WIPF3: variants seen among roughly 807,000 people sequenced by gnomAD.
The protein encoded by WIPF3 is WAS/WASL interacting protein family member 3, also known as WAS/WASL-interacting protein family member 3.
Under a neutral mutation model 38.9 loss-of-function variants are expected in WIPF3, and 33 were observed. The observed-to-expected ratio is 0.85, with a 90% confidence interval of 0.64 to 1.14. The LOEUF (loss-of-function observed/expected upper bound fraction) is 1.14, where lower values mean the gene tolerates loss of function less well. Ranked by LOEUF, WIPF3 falls within the 50% of genes most tolerant of loss-of-function variation. WIPF3 has a pLI of 0.00. For synonymous variants in WIPF3, 324 were observed against 269.3 expected (o/e 1.20, Z -1.99); for missense variants, 711 against 652.5 (o/e 1.09, Z -0.98).
intron 4 of WIPF3, among the ~76,000 whole-genome samples, chr7:29,880,466 G>T (rs1254021862): frequency 6.6e-6 from 1 of 152,130 alleles, no homozygotes; most frequent in Non-Finnish European, 1.5e-5. Flanking sequence ...TAGAGTACAA[G>T]GTCTTCCTCA....
At position 29,874,515 on chromosome 7, in the gene WIPF3, A is replaced by G. The variant is rs143999990; in HGVS notation, c.91-1315A>G. ...GATTTGGGGTCAGAAAAGGCCTCTG[A>G]AGTGGTGATATTTAAGCTGAAACCC... On this transcript the variant is annotated intron_variant, in intron 2 of 8. Coordinates refer to ENST00000242140, the MANE Select transcript of WIPF3 (RefSeq NM_001080529.3). Among the ~76,000 whole-genome samples the G allele has an allele frequency of 3.6e-3, 543 of 152,268 alleles. 2 individuals are homozygous for G. The highest frequency in any genetic ancestry group is 0.012 in the African/African-American group (501 of 41,544).
intron 1 of WIPF3, among the ~76,000 whole-genome samples, chr7:29,829,607 T>C (rs1330666390): frequency 1.3e-5 from 2 of 152,220 alleles, no homozygotes; most frequent in Non-Finnish European, 2.9e-5. Flanking sequence ...TGTCTTCATA[T>C]ACAGTGTTTG....
intron 7 of WIPF3, among the ~76,000 whole-genome samples, chr7:29,897,812 G>A (rs1786184368): frequency 6.6e-6 from 1 of 152,156 alleles, no homozygotes; most frequent in Non-Finnish European, 1.5e-5. Context: ...GCTTTCCTTG[G>A]TGAAGCCTGG....
At chr7:29,861,175 G>C (rs528215991) in intron 2 of WIPF3, among the ~76,000 whole-genome samples, 62 of 152,290 alleles carry the variant, frequency 4.1e-4, no homozygotes, top group African/African-American at 1.5e-3. Context: ...ATATATGGAA[G>C]TGTCTGGATT....
intron 7 of WIPF3, among the ~76,000 whole-genome samples, chr7:29,899,678 C>T (rs12537973): frequency 0.47 from 71,217 of 152,036 alleles, 18,475 homozygotes; most frequent in East Asian, 0.78. Context: ...CACAATGGAA[C>T]GCTATGTAAC....
At chr7:29,807,835 TAGA>T (rs536851486) in intron 1 of WIPF3, among the ~76,000 whole-genome samples, 19 of 152,342 alleles carry the variant, frequency 1.2e-4, no homozygotes, top group African/African-American at 4.1e-4. Context: ...CAGTGTGATT[TAGA>T]AGGTTTGTGC....
At chr7:29,890,325 A>G (rs1257251565) in intron 7 of WIPF3, among the ~76,000 whole-genome samples, 1 of 149,024 alleles carries the variant, frequency 6.7e-6, no homozygotes, top group Non-Finnish European at 1.5e-5. Context: ...TCACTCCAGC[A>G]TTGATGACAG....
chr7:29,854,472 G>A (rs1785155128), intron 2 of WIPF3, among the ~76,000 whole-genome samples: 1 of 152,158 alleles, frequency 6.6e-6, no homozygotes, highest in African/African-American at 2.4e-5. Flanking sequence ...TATGCCAACA[G>A]GTGGACTACA....
chr7:29,840,626 C>T (rs560837388), intron 2 of WIPF3, among the ~76,000 whole-genome samples: 1 of 152,198 alleles, frequency 6.6e-6, no homozygotes, highest in Admixed American at 6.5e-5. Flanking sequence ...GTTCAGGACT[C>T]TAAACATCTA....
At chr7:29,825,052 G>A (rs1026910428) in intron 1 of WIPF3, among the ~76,000 whole-genome samples, 1 of 152,150 alleles carries the variant, frequency 6.6e-6, no homozygotes, top group Admixed American at 6.6e-5. Flanking sequence ...TTTGGAGTAC[G>A]TACAACGTGA....
intron 7 of WIPF3, among the ~76,000 whole-genome samples, chr7:29,897,885 CT>C (rs1328542033): frequency 6.6e-6 from 1 of 152,248 alleles, no homozygotes; most frequent in Non-Finnish European, 1.5e-5. Flanking sequence ...TTTACCACAG[CT>C]TCTGTCCTTC....
chr7:29,909,731 C>CA (rs35820609), intron 8 of WIPF3, among the ~76,000 whole-genome samples: 1 of 151,798 alleles, frequency 6.6e-6, no homozygotes, highest in African/African-American at 2.4e-5. Flanking sequence ...CCTGTCTCTA[C>CA]AAAAAAATTT....
intron 2 of WIPF3, among the ~76,000 whole-genome samples, chr7:29,854,463 A>C (rs568340523): frequency 3.9e-5 from 6 of 152,342 alleles, no homozygotes; most frequent in African/African-American, 1.4e-4. Flanking sequence ...ATAGCACTAT[A>C]TGCCAACAGG....
At chr7:29,849,953 G>A (rs1317668760) in intron 2 of WIPF3, among the ~76,000 whole-genome samples, 3 of 152,192 alleles carry the variant, frequency 2.0e-5, no homozygotes, top group African/African-American at 7.2e-5. Context: ...GCAATCGTTT[G>A]TATTTTCTTC....
chr7:29,826,307 AG>A (rs1235817099), intron 1 of WIPF3, among the ~76,000 whole-genome samples: 1 of 152,184 alleles, frequency 6.6e-6, no homozygotes. Flanking sequence ...CCAGATCCAC[AG>A]TGTCGGCCTT....
In WIPF3 at chr7:29,916,209, G is replaced by GTTT. The variant is rs1786611848; in HGVS notation, c.*1693_*1694insTTT. The stretch of plus-strand genomic sequence containing the variant: ...ATAACTAATTTGTTTTATTGGTTCT[G>GTTT]GAAGATTTCCAAAAAGCCAGAATTT... On this transcript the variant is annotated 3_prime_UTR_variant, in exon 9 of 9. Coordinates refer to ENST00000242140, the MANE Select transcript of WIPF3 (RefSeq NM_001080529.3). 1 of 152,176 alleles carries GTTT rather than the reference G, an allele frequency of 6.6e-6. No individual in the cohort carries two copies. Among genetic ancestry groups the GTTT allele is most frequent in the African/African-American group, 2.4e-5 (1 of 41,440 alleles). 9.4% of individuals were successfully genotyped at this position (152,176 alleles called of 1,614,324 possible). A position where few individuals can be genotyped will look rare whatever the true frequency, so the allele number is the denominator to read the frequency against.
Position 29,914,578 on chromosome 7 carries a change from C to T in WIPF3, c.*62C>T, listed in dbSNP as rs1033254504. 116 of 1,269,754 alleles carry T rather than the reference C, an allele frequency of 9.1e-5. 2 individuals carry two copies. In the Middle Eastern group the frequency reaches 1.5e-3, roughly 17 times the overall value. The allele number at this position is 1,269,754 out of a possible 1,614,324, so 78.7% of individuals were successfully genotyped here. On this transcript the variant is annotated 3_prime_UTR_variant, in exon 9 of 9. Coordinates refer to ENST00000242140, the MANE Select transcript of WIPF3 (RefSeq NM_001080529.3). The stretch of plus-strand genomic sequence containing the variant: ...TGCAGAACAACATGTCAGACCCCAC[C>T]CACCCCATGCTCAAGCTGTAATTCA...
intron 7 of WIPF3, among the ~76,000 whole-genome samples, chr7:29,898,356 G>A (rs1039228755): frequency 5.9e-5 from 9 of 152,012 alleles, no homozygotes; most frequent in African/African-American, 2.2e-4. Flanking sequence ...CCCAGAATCC[G>A]ATCTCTCTTA....
At chr7:29,810,415 C>T (rs1784354030) in intron 1 of WIPF3, among the ~76,000 whole-genome samples, 1 of 152,144 alleles carries the variant, frequency 6.6e-6, no homozygotes, top group Admixed American at 6.5e-5. Context: ...GGGGTACTCC[C>T]TAAAGGTTGT....
Sources: gnomAD v4.1 joint callset for allele counts (sites outside exome capture counted in the v4.1 genomes callset) on GRCh38, gnomAD v4.1.1 for gene constraint, MANE v1.5 for transcripts, NCBI Gene and HGNC (gene_info 2026-07-23, HGNC 2026-07-21) for gene names.